OXR1: variants seen among roughly 807,000 people sequenced by gnomAD.
OXR1 encodes oxidation resistance 1.
OXR1 carries 41 observed loss-of-function variants against 104.6 expected under a neutral mutation model. The observed-to-expected ratio is 0.39, with a 90% confidence interval of 0.31 to 0.51. The LOEUF (loss-of-function observed/expected upper bound fraction) is 0.51, where lower values mean the gene tolerates loss of function less well. Among genes scored for constraint, OXR1 ranks in the 20% least tolerant of loss-of-function variants. OXR1 has a pLI of 0.77. For synonymous variants in OXR1, 348 were observed against 348.4 expected (o/e 1.00, Z 0.01); for missense variants, 955 against 1,031.9 (o/e 0.93, Z 1.02).
chr8:106,487,676 G>T (rs1277723384), intron 2 of OXR1, among the ~76,000 whole-genome samples: 1 of 148,154 alleles, frequency 6.7e-6, no homozygotes, highest in East Asian at 2.1e-4. Context: ...TGCGGTGTTT[G>T]GTTTTTTGTT....
At chr8:106,558,361 G>A (rs1337341147) in intron 3 of OXR1, among the ~76,000 whole-genome samples, 3 of 152,164 alleles carry the variant, frequency 2.0e-5, no homozygotes, top group Non-Finnish European at 4.4e-5. Context: ...CCCTGGTACA[G>A]AATCACCACC....
chr8:106,313,187 T>C (rs1813781587), intron 1 of OXR1, among the ~76,000 whole-genome samples: 1 of 152,200 alleles, frequency 6.6e-6, no homozygotes, highest in Non-Finnish European at 1.5e-5. Flanking sequence ...CGGCTTCTCT[T>C]TTTTTGAGAA....
chr8:106,750,763 C>T, intron 16 of OXR1, 43 bp from the exon 17 acceptor site: 2 of 1,424,668 alleles, frequency 1.4e-6, no homozygotes, highest in South Asian at 2.6e-5. Context: ...TGTTTTATAA[C>T]TTAAGGCATA....
chr8:106,441,134 A>T (rs1050088743), intron 2 of OXR1, among the ~76,000 whole-genome samples: 4 of 152,140 alleles, frequency 2.6e-5, no homozygotes, highest in African/African-American at 9.7e-5. Context: ...TTTTCTGCAT[A>T]TGGCTAGCCA....
chr8:106,578,442 A>G (rs1246815508), intron 3 of OXR1, among the ~76,000 whole-genome samples: 2 of 152,192 alleles, frequency 1.3e-5, no homozygotes, highest in Non-Finnish European at 2.9e-5. Context: ...CCTGTGTATA[A>G]GTTAACAGGG....
chr8:106,621,924 A>T (rs1485626438), intron 3 of OXR1, among the ~76,000 whole-genome samples: 1 of 152,200 alleles, frequency 6.6e-6, no homozygotes, highest in African/African-American at 2.4e-5. Flanking sequence ...TCCCATTTCA[A>T]TGTATTATTA....
intron 10 of OXR1, among the ~76,000 whole-genome samples, chr8:106,711,931 T>C (rs950906106): frequency 1.3e-5 from 2 of 152,152 alleles, no homozygotes; most frequent in African/African-American, 4.8e-5. Context: ...AAGATACTGC[T>C]GAGCAAAGGT....
chr8:106,512,545 A>C, intron 2 of OXR1, among the ~76,000 whole-genome samples: 1 of 152,082 alleles, frequency 6.6e-6, no homozygotes. Context: ...TTGATGGGAG[A>C]GGTGATTCCA....
At chr8:106,448,240 G>A (rs1195389412) in intron 2 of OXR1, among the ~76,000 whole-genome samples, 1 of 152,186 alleles carries the variant, frequency 6.6e-6, no homozygotes, top group African/African-American at 2.4e-5. Flanking sequence ...GAACAAGGCA[G>A]ACTGCCGAAA....
chr8:106,316,725 T>TATCTATC (rs1563713974), intron 1 of OXR1, among the ~76,000 whole-genome samples: 5,224 of 64,278 alleles, frequency 0.081, 123 homozygotes, highest in Non-Finnish European at 0.089. Context: ...ATCATCTATC[T>TATCTATC]ATCTATCTAT....
chr8:106,334,073 A>G (rs1814849479), intron 1 of OXR1, among the ~76,000 whole-genome samples: 1 of 152,218 alleles, frequency 6.6e-6, no homozygotes, highest in African/African-American at 2.4e-5. Context: ...CCATCTTCAC[A>G]ACATTAATTC....
intron 3 of OXR1, among the ~76,000 whole-genome samples, chr8:106,521,744 C>G (rs1813279182): frequency 6.6e-6 from 1 of 152,098 alleles, no homozygotes; most frequent in Non-Finnish European, 1.5e-5. Context: ...GATCTCCTGA[C>G]CTCAAGATCT....
At position 106,751,091 on chromosome 8, in the gene OXR1, G is replaced by T; in HGVS notation, c.*150G>T. The T allele has an allele frequency of 3.5e-6, 2 of 570,188 alleles. No homozygotes were observed. The highest frequency in any genetic ancestry group is 3.9e-5 in the Admixed American group (1 of 25,894). 35.3% of individuals were successfully genotyped at this position (570,188 alleles called of 1,614,324 possible). A position where few individuals can be genotyped will look rare whatever the true frequency, so the allele number is the denominator to read the frequency against. ...CATTTATTACAGTTATAATTTTGGAGTTTATTTTTCAAATCATGTTCTTGT... is the reference window on the plus strand; with the variant it reads ...CATTTATTACAGTTATAATTTTGGATTTTATTTTTCAAATCATGTTCTTGT... On this transcript the variant is annotated 3_prime_UTR_variant, in exon 17 of 17. Coordinates refer to ENST00000517566, the MANE Select transcript of OXR1 (RefSeq NM_001198533.2).
intron 2 of OXR1, among the ~76,000 whole-genome samples, chr8:106,500,303 C>G (rs901007556): frequency 1.2e-4 from 19 of 152,192 alleles, no homozygotes; most frequent in African/African-American, 4.3e-4. Flanking sequence ...CGAAACCAGG[C>G]CTGGGCCTGC....
At chr8:106,489,831 ATAATT>A (rs1321445593) in intron 2 of OXR1, among the ~76,000 whole-genome samples, 1 of 152,168 alleles carries the variant, frequency 6.6e-6, no homozygotes, top group Non-Finnish European at 1.5e-5. Flanking sequence ...TTTTGGGAAA[ATAATT>A]TAACCTTTTC....
rs529495502 is a variant in OXR1, at chr8:106,697,834, G to T, written c.675+4957G>T. ...TGCATTATTGAGCTCACATAACACCGTGCCATCCTTGAGCCAGTTCTGGAA... is the reference window on the plus strand; with the variant it reads ...TGCATTATTGAGCTCACATAACACCTTGCCATCCTTGAGCCAGTTCTGGAA... On this transcript the variant is annotated intron_variant, in intron 7 of 16. Coordinates refer to ENST00000517566, the MANE Select transcript of OXR1 (RefSeq NM_001198533.2). 6 of 1,612,348 alleles carry T rather than the reference G, an allele frequency of 3.7e-6. No homozygotes were observed. The East Asian group carries it at 8.9e-5, about 24-fold the overall frequency.
At chr8:106,509,798 G>A (rs1254798863) in intron 2 of OXR1, among the ~76,000 whole-genome samples, 1 of 152,150 alleles carries the variant, frequency 6.6e-6, no homozygotes, top group East Asian at 1.9e-4. Flanking sequence ...TTTAATCAGA[G>A]TCTCGCTCTG....
intron 3 of OXR1, among the ~76,000 whole-genome samples, chr8:106,641,198 C>T (rs1409331936): frequency 6.6e-6 from 1 of 152,090 alleles, no homozygotes; most frequent in African/African-American, 2.4e-5. Context: ...TCTTTCATTC[C>T]CAGATTTTTC....
At chr8:106,454,834 C>T (rs1820516151) in intron 2 of OXR1, among the ~76,000 whole-genome samples, 1 of 152,100 alleles carries the variant, frequency 6.6e-6, no homozygotes, top group Non-Finnish European at 1.5e-5. Flanking sequence ...TGTGTTGTTG[C>T]ATTCATTCCA....
Sources: gnomAD v4.1 joint callset for allele counts (sites outside exome capture counted in the v4.1 genomes callset) on GRCh38, gnomAD v4.1.1 for gene constraint, MANE v1.5 for transcripts, NCBI Gene and HGNC (gene_info 2026-07-23, HGNC 2026-07-21) for gene names.